The following GRB10 variants were observed in gnomAD, a reference collection of about 807,000 sequenced individuals.
GRB10 encodes growth factor receptor-bound protein 10.
A neutral mutation model predicts 80.9 loss-of-function variants in GRB10; 20 were observed. The observed-to-expected ratio is 0.25, with a 90% CI of 0.17 to 0.36. GRB10 has a LOEUF of 0.36. Among genes scored for constraint, GRB10 ranks in the 10% least tolerant of loss-of-function variants. GRB10 has a pLI of 1.00. For missense variants in GRB10, 548 were observed against 747.7 expected (o/e 0.73, Z 3.12); for synonymous variants, 291 against 291.5 (o/e 1.00, Z 0.02).
At chr7:50,607,880 AAGAGTC>A (rs1024914700) in intron 13 of GRB10, among the ~76,000 whole-genome samples, 11 of 152,192 alleles carry the variant, frequency 7.2e-5, no homozygotes, top group African/African-American at 2.7e-4. Context: ...GAGAAGAAGA[AAGAGTC>A]AGAAACAGGA....
rs530659104 is a variant in GRB10 at position 50,629,003 on chromosome 7, T to C, written c.505-2025A>G. Among the ~76,000 whole-genome samples the C allele has an allele frequency of 6.6e-5, 10 of 152,252 alleles. No homozygotes were observed. In the South Asian group the frequency reaches 1.9e-3, roughly 28 times the overall value. ...AAAAGAAAAACAGGAATTTGGAAAA[T>C]ATAACTGAGCTCCAACAATGCTTTA... On this transcript the variant is annotated intron_variant, in intron 7 of 18. Coordinates refer to ENST00000401949, the MANE Select transcript of GRB10 (RefSeq NM_001350814.2).
intron 8 of GRB10, among the ~76,000 whole-genome samples, chr7:50,625,130 A>G (rs2052645179): frequency 6.6e-6 from 1 of 152,200 alleles, no homozygotes; most frequent in Non-Finnish European, 1.5e-5. Context: ...ATGATAGTCT[A>G]GAAATCAAAG....
At chr7:50,669,355 G>C (rs79876516) in intron 7 of GRB10, among the ~76,000 whole-genome samples, 2,646 of 152,260 alleles carry the variant, frequency 0.017, 40 homozygotes, top group East Asian at 0.05. Flanking sequence ...CTGGCGTCTC[G>C]CACAGCAGGA....
At chr7:50,780,906 G>A (rs537665143) in intron 1 of GRB10, 170 bp from the exon 2 acceptor site, 223 of 152,224 alleles carry the variant, frequency 1.5e-3, no homozygotes, top group African/African-American at 5.2e-3. Flanking sequence ...TCCAAAATTC[G>A]AAAGATGCAG....
At chr7:50,638,463 A>G (rs1267234861) in intron 7 of GRB10, among the ~76,000 whole-genome samples, 1 of 152,220 alleles carries the variant, frequency 6.6e-6, no homozygotes, top group Non-Finnish European at 1.5e-5. Flanking sequence ...AAGAAGACAT[A>G]CAAGCGGCCA....
chr7:50,727,387 C>T (rs977050876), intron 4 of GRB10, among the ~76,000 whole-genome samples: 3 of 152,224 alleles, frequency 2.0e-5, no homozygotes, highest in Admixed American at 6.5e-5. Context: ...GCAGGGTTGA[C>T]ATCTTGTTCA....
intron 9 of GRB10, among the ~76,000 whole-genome samples, 188 bp downstream of exon 9, chr7:50,618,982 G>T (rs1016144205): frequency 2.0e-5 from 3 of 152,148 alleles, no homozygotes; most frequent in East Asian, 3.8e-4. Context: ...CCAGTCCCAC[G>T]CACATTTAGT....
intron 17 of GRB10, among the ~76,000 whole-genome samples, chr7:50,596,055 A>G (rs1483115350): frequency 6.6e-6 from 1 of 152,228 alleles, no homozygotes; most frequent in Admixed American, 6.5e-5. Flanking sequence ...GCCAATAAAT[A>G]AAGGCAAGAT....
chr7:50,607,635 G>C (rs1182705848), intron 13 of GRB10, among the ~76,000 whole-genome samples: 1 of 152,190 alleles, frequency 6.6e-6, no homozygotes, highest in Non-Finnish European at 1.5e-5. Flanking sequence ...TTATCCCCAT[G>C]TTACAGAGCA....
In GRB10 at chr7:50,612,733, T is replaced by G; in HGVS notation, c.1194+8A>C. The G allele has an allele frequency of 6.2e-7, 1 of 1,605,168 alleles. No homozygotes were observed. The highest frequency in any genetic ancestry group is 8.5e-7 in the Non-Finnish European group (1 of 1,172,472). ...TGCACTCAACACAAACCGCAAGATG[T>G]CACATACCTTGAGGAGTCTGAACGC... On this transcript the variant is annotated splice_region_variant and intron_variant, in intron 13 of 18. Transcript: ENST00000401949.
At position 50,592,914 on chromosome 7, in the gene GRB10, T is replaced by C. The variant is rs746530062; in HGVS notation, c.*38A>G. 2.5e-6 allele frequency: 4 copies of C among 1,611,876 alleles called. No homozygotes were observed. Among genetic ancestry groups the C allele is most frequent in the African/African-American group, 1.3e-5 (1 of 74,890 alleles). On this transcript the variant is annotated 3_prime_UTR_variant, in exon 19 of 19. Coordinates refer to ENST00000401949, the MANE Select transcript of GRB10 (RefSeq NM_001350814.2). Reference sequence around the variant, plus strand: ...ACAGACCGCTTCTTCACTCCAGTGTTCACTTCCTCCAGTCTTCAGCCGAGA... The same window carrying C: ...ACAGACCGCTTCTTCACTCCAGTGTCCACTTCCTCCAGTCTTCAGCCGAGA...
intron 10 of GRB10, among the ~76,000 whole-genome samples, chr7:50,616,643 G>A (rs761968521): frequency 2.0e-5 from 3 of 152,166 alleles, no homozygotes; most frequent in Non-Finnish European, 4.4e-5. Flanking sequence ...TCAGACTGAG[G>A]GCAAGAGCAA....
chr7:50,760,487 T>G (rs1293889466), intron 2 of GRB10, among the ~76,000 whole-genome samples: 1 of 152,228 alleles, frequency 6.6e-6, no homozygotes, highest in Non-Finnish European at 1.5e-5. Context: ...AAATGTAGTA[T>G]GTATCTATCT....
intron 5 of GRB10, among the ~76,000 whole-genome samples, chr7:50,689,590 A>G (rs2062538752): frequency 6.6e-6 from 1 of 152,034 alleles, no homozygotes. Context: ...ATTAAACACC[A>G]CTGAAATGTC....
intron 4 of GRB10, among the ~76,000 whole-genome samples, chr7:50,719,461 G>A (rs1272770303): frequency 6.6e-6 from 1 of 151,582 alleles, no homozygotes; most frequent in Non-Finnish European, 1.5e-5. Flanking sequence ...ACTCATAAGC[G>A]GCAGTTGAAC....
intron 11 of GRB10, 136 bp downstream of exon 11, chr7:50,616,074 T>A (rs1282842765): frequency 1.2e-5 from 12 of 960,504 alleles, no homozygotes; most frequent in Non-Finnish European, 1.8e-5. Flanking sequence ...GCTGCACAAT[T>A]AGCTTATTAA....
chr7:50,786,811 G>A (rs1025698649), upstream of GRB10, among the ~76,000 whole-genome samples: 1 of 152,166 alleles, frequency 6.6e-6, no homozygotes, highest in Non-Finnish European at 1.5e-5. Context: ...AAGGCAAAGG[G>A]GCATTCCTGG....
chr7:50,710,601 G>A (rs2153674121), intron 4 of GRB10, among the ~76,000 whole-genome samples: 1 of 152,266 alleles, frequency 6.6e-6, no homozygotes, highest in South Asian at 2.1e-4. Context: ...AAAACTGGAT[G>A]AGAGGAGTGC....
intron 5 of GRB10, among the ~76,000 whole-genome samples, chr7:50,699,875 C>T (rs1236050390): frequency 1.3e-5 from 2 of 152,092 alleles, no homozygotes; most frequent in Non-Finnish European, 2.9e-5. Context: ...GTGGCTCATG[C>T]CTGTAATCCC....
Sources: gnomAD v4.1 joint callset for allele counts (sites outside exome capture counted in the v4.1 genomes callset) on GRCh38, gnomAD v4.1.1 for gene constraint, MANE v1.5 for transcripts, NCBI Gene and HGNC (gene_info 2026-07-23, HGNC 2026-07-21) for gene names.